Variants in PLG observed in about 807,000 individuals in gnomAD.
The protein encoded by PLG is plasmin.
Under a neutral mutation model 104.4 loss-of-function variants are expected in PLG, and 41 were observed. The ratio of observed to expected loss-of-function variants is 0.39; its 90% CI spans 0.31 to 0.51. PLG has a LOEUF of 0.51. Ranked by LOEUF, PLG falls within the 20% of genes least tolerant of loss-of-function variation. The pLI is 0.76. For synonymous variants in PLG, 337 were observed against 357.1 expected (o/e 0.94, Z 0.63); for missense variants, 891 against 1,003.6 (o/e 0.89, Z 1.52).
chr6:160,714,413 G>C (rs998913672), intron 5 of PLG, among the ~76,000 whole-genome samples: 1 of 152,134 alleles, frequency 6.6e-6, no homozygotes, highest in African/African-American at 2.4e-5. Context: ...TTGAAATGAA[G>C]ATGCCAAATA....
rs1258913515 is a variant in PLG, at chr6:160,739,044, T to C, written c.1878-24T>C. The C allele has an allele frequency of 1.2e-6, 2 of 1,613,824 alleles. No homozygotes were observed. Among genetic ancestry groups the C allele is most frequent in the Non-Finnish European group, 1.7e-6 (2 of 1,179,790 alleles). The stretch of plus-strand genomic sequence containing the variant: ...CTGAAGGGGCTGGACCATATTTTCC[T>C]CTTGACGTCCTCATCTTTTCTAGGT... On this transcript the variant is annotated intron_variant, in intron 15 of 18. Transcript: ENST00000308192. This position sits in a 1 kb window ranked among gnomAD's most constrained non-coding sequence, Gnocchi z 4.4.
In PLG at chr6:160,722,525, C is replaced by T; in HGVS notation, c.1214C>T (p.Thr405Ile). The T allele has an allele frequency of 1.2e-6, 2 of 1,613,992 alleles. No homozygotes were observed. The highest frequency in any genetic ancestry group is 1.7e-6 in the Non-Finnish European group (2 of 1,179,886). The change falls in exon 10 of 19, where the codon ACA becomes ATA. Residue 405 changes from threonine to isoleucine, a missense_variant. By Grantham distance (89) the Thr-to-Ile change is moderately conservative. This residue lies in a region of PLG where 854 missense variants were observed against 932.1 expected (regional missense o/e 0.92). Transcript: ENST00000308192. ...AAGTGTCAGTCTTGGTCATCTATGA[C>T]ACCACACCGGCACCAGAAGACCCCA... is the stretch of plus-strand genomic sequence containing the variant. ...GKKCQSWSSM[T>I]PHRHQKTPEN...
At chr6:160,713,397 G>C (rs1463195610) in intron 5 of PLG, 3 of 394,398 alleles carry the variant, frequency 7.6e-6, no homozygotes, top group Non-Finnish European at 1.4e-5. Flanking sequence ...AGCCTCCCAA[G>C]TAGCTGGGAT....
chr6:160,729,297 G>A (rs542863667), intron 10 of PLG, among the ~76,000 whole-genome samples: 23 of 152,278 alleles, frequency 1.5e-4, no homozygotes, highest in Admixed American at 5.9e-4. Context: ...TCTCGCATAC[G>A]CTGGTTAAAG....
rs974687216 is a variant in PLG, at chr6:160,735,517, C to T, written c.1682-1370C>T. On this transcript the variant is annotated intron_variant, in intron 13 of 18. Transcript: ENST00000308192. The surrounding 1 kb of genome is among the most constrained non-coding windows in gnomAD (Gnocchi z 5.4). ...AAGGACTGTGAGGTCCCCCACCTAA[C>T]CTTGATGTGAGACAAGTGAGGTTAA... 1.3e-5 allele frequency among the ~76,000 whole-genome samples: 2 copies of T among 152,178 alleles called. No individual in the cohort carries two copies. The highest frequency in any genetic ancestry group is 4.8e-5 in the African/African-American group (2 of 41,438).
intron 17 of PLG, among the ~76,000 whole-genome samples, chr6:160,750,639 T>C (rs1778386582): frequency 6.6e-6 from 1 of 152,192 alleles, no homozygotes; most frequent in South Asian, 2.1e-4. Context: ...AGCCAGGCGC[T>C]GGGATGAGCC....
chr6:160,738,546 T>C lies in PLG; in HGVS notation c.1811T>C (p.Met604Thr), dbSNP rs986204828. Residue 604 changes from methionine to threonine, a missense_variant, in exon 15 of 19, where the codon ATG (methionine) becomes ACG (threonine). Around this residue, in one of 2 missense-constraint regions of PLG, gnomAD observed 854 missense variants for 932.1 expected, o/e 0.92. Transcript: ENST00000308192. This position sits in a 1 kb window ranked among gnomAD's most constrained non-coding sequence, Gnocchi z 6.8. ...WQVSLRTRFG[M>T]HFCGGTLISP... Reference sequence around the variant, plus strand: ...CTAAATCCTCTTTCCAGGTTTGGAATGCACTTCTGTGGAGGCACCTTGATA... The same window carrying C: ...CTAAATCCTCTTTCCAGGTTTGGAACGCACTTCTGTGGAGGCACCTTGATA... 3 of 1,603,490 alleles carry C rather than the reference T, an allele frequency of 1.9e-6. No homozygotes were observed. Among genetic ancestry groups the C allele is most frequent in the Non-Finnish European group, 2.6e-6 (3 of 1,170,176 alleles).
rs556112473 is a variant in PLG at position 160,739,219 on chromosome 6, A to T, written c.2018+11A>T. On this transcript the variant is annotated intron_variant, in intron 16 of 18. Transcript: ENST00000308192. The surrounding 1 kb of genome is among the most constrained non-coding windows in gnomAD (Gnocchi z 4.4). ...GCTAAAGCTAAGCAGGTACTCGTTC[A>T]CCTGTGGTCTTCACCCCACGCTGGT... 1 of 1,614,038 alleles carries T rather than the reference A, an allele frequency of 6.2e-7. No individual in the cohort carries two copies. Among genetic ancestry groups the T allele is most frequent in the African/African-American group, 1.3e-5 (1 of 75,006 alleles).
In PLG at chr6:160,732,015, A is replaced by C; in HGVS notation, c.1587+122A>C. On this transcript the variant is annotated intron_variant, in intron 12 of 18. Transcript: ENST00000308192. The surrounding 1 kb of genome is among the most constrained non-coding windows in gnomAD (Gnocchi z 4.5). ...TTTTTTGTAATGGGGGAGAGGGGACAGAAGAAAATATTGGAAAGGCATCAG... is the reference window on the plus strand; with the variant it reads ...TTTTTTGTAATGGGGGAGAGGGGACCGAAGAAAATATTGGAAAGGCATCAG... 9.8e-7 allele frequency: 1 copy of C among 1,019,454 alleles called. No homozygotes were observed. Among genetic ancestry groups the C allele is most frequent in the Admixed American group, 1.8e-5 (1 of 57,026 alleles). The allele number at this position is 1,019,454 out of a possible 1,614,324, so 63.2% of individuals were successfully genotyped here.
At chr6:160,708,233 A>T (rs1291425595) in intron 3 of PLG, 1 of 159,094 alleles carries the variant, frequency 6.3e-6, no homozygotes, top group Non-Finnish European at 1.4e-5. Context: ...TTTAATCCTC[A>T]GAAACATTTA....
At chr6:160,702,493 A>G in intron 1 of PLG, 140 bp downstream of exon 1, 2 of 1,168,712 alleles carry the variant, frequency 1.7e-6, no homozygotes, top group African/African-American at 1.6e-5. Context: ...TATAAGATTG[A>G]GGAATTCTTC....
In PLG at chr6:160,736,048, A is replaced by G. The variant is rs77901019; in HGVS notation, c.1682-839A>G. On this transcript the variant is annotated intron_variant, in intron 13 of 18. Transcript: ENST00000308192. This position sits in a 1 kb window ranked among gnomAD's most constrained non-coding sequence, Gnocchi z 5.2. ...TACAGTTGTTACTAATAATTGTATG[A>G]ACAATTATTTAAAATATTAACATTT... 6.6e-6 allele frequency among the ~76,000 whole-genome samples: 1 copy of G among 152,370 alleles called. No homozygotes were observed. Among genetic ancestry groups the G allele is most frequent in the Non-Finnish European group, 1.5e-5 (1 of 68,032 alleles).
Position 160,718,710 on chromosome 6 carries a change from A to G in PLG, c.968A>G (p.Tyr323Cys). Reference protein sequence around the residue: ...NFPCKNLDENYCRNPDGKRAP... With the variant: ...NFPCKNLDENCCRNPDGKRAP... ...TTTTTCAGAAATTTGGATGAAAACT[A>G]CTGCCGCAATCCTGACGGAAAAAGG... Residue 323 changes from tyrosine (Y) to cysteine (C), a missense_variant, in exon 9 of 19, where the codon TAC becomes TGC. Physicochemically the swap from Tyr to Cys is radical, Grantham distance 194. Around this residue, in one of 2 missense-constraint regions of PLG, gnomAD observed 854 missense variants for 932.1 expected, o/e 0.92. Coordinates refer to ENST00000308192, the MANE Select transcript of PLG (RefSeq NM_000301.5). 1 of 1,614,036 alleles carries G rather than the reference A, an allele frequency of 6.2e-7. No individual in the cohort carries two copies. Among genetic ancestry groups the G allele is most frequent in the East Asian group, 2.2e-5 (1 of 44,872 alleles).
intron 17 of PLG, among the ~76,000 whole-genome samples, chr6:160,751,784 G>GA (rs999688693): frequency 2.0e-5 from 3 of 151,996 alleles, no homozygotes; most frequent in East Asian, 1.9e-4. Flanking sequence ...TAAAACATCT[G>GA]AAAAAAGAGT....
chr6:160,748,170 T>C (rs1265867822), intron 17 of PLG, among the ~76,000 whole-genome samples: 1 of 151,228 alleles, frequency 6.6e-6, no homozygotes, highest in Non-Finnish European at 1.5e-5. Context: ...CCGGGTGTGG[T>C]AGCACACCCC....
rs1400446724 is a variant in PLG at position 160,732,590 on chromosome 6, C to T, written c.1587+697C>T. Among the ~76,000 whole-genome samples, 2 of 152,178 alleles carry T rather than the reference C, an allele frequency of 1.3e-5. No homozygotes were observed. Among genetic ancestry groups the T allele is most frequent in the Non-Finnish European group, 2.9e-5 (2 of 68,034 alleles). ...ACCGCCCCACTGCAGATGCCAATCC[C>T]AAGTTCCAGGCGGTGACCTGTACTT... is the stretch of plus-strand genomic sequence containing the variant. On this transcript the variant is annotated intron_variant, in intron 12 of 18. Coordinates refer to ENST00000308192, the MANE Select transcript of PLG (RefSeq NM_000301.5). The surrounding 1 kb of genome is among the most constrained non-coding windows in gnomAD (Gnocchi z 4.5).
At position 160,725,677 on chromosome 6, in the gene PLG, G is replaced by A. The variant is rs1471718344; in HGVS notation, c.1256+3110G>A. Among the ~76,000 whole-genome samples the A allele has an allele frequency of 1.3e-5, 2 of 152,056 alleles. No individual in the cohort carries two copies. Among genetic ancestry groups the A allele is most frequent in the African/African-American group, 2.4e-5 (1 of 41,428 alleles). On this transcript the variant is annotated intron_variant, in intron 10 of 18. Coordinates refer to ENST00000308192, the MANE Select transcript of PLG (RefSeq NM_000301.5). The surrounding 1 kb of genome is among the most constrained non-coding windows in gnomAD (Gnocchi z 6.3). ...GCACAGAAAAGGCAGAGATTATTAA[G>A]CTGAATAAAAATCAAAGCCCAATTA...
intron 9 of PLG, among the ~76,000 whole-genome samples, chr6:160,721,639 G>A (rs377179274): frequency 6.6e-6 from 1 of 152,304 alleles, no homozygotes; most frequent in Admixed American, 6.5e-5. Flanking sequence ...TTGACACTCG[G>A]CTGTTTCTTG....
At chr6:160,750,291 C>A (rs1377100576) in intron 17 of PLG, among the ~76,000 whole-genome samples, 2 of 152,184 alleles carry the variant, frequency 1.3e-5, no homozygotes, top group Admixed American at 6.5e-5. Context: ...CCCAACGCCC[C>A]ATCGGGGAGG....
Sources: gnomAD v4.1 joint callset for allele counts (sites outside exome capture counted in the v4.1 genomes callset) on GRCh38, gnomAD v4.1.1 for gene constraint, gnomAD v4.1.1 regional missense constraint, Gnocchi (gnomAD v3.1) non-coding constraint, MANE v1.5 for transcripts, NCBI Gene and HGNC (gene_info 2026-07-23, HGNC 2026-07-21) for gene names.